UQCC2: variants seen among roughly 807,000 people sequenced by gnomAD.
UQCC2 encodes the protein breast cancer-associated protein SGA-81M.
In UQCC2, 21 loss-of-function variants were observed where a neutral mutation model predicts 19.9. The ratio of observed to expected loss-of-function variants is 1.05; its 90% confidence interval spans 0.75 to 1.52. UQCC2 has a LOEUF of 1.52. UQCC2 is among the 40% of genes most tolerant of loss of function. The pLI, the probability that UQCC2 is intolerant of heterozygous loss-of-function variation, is 0.00. For synonymous variants in UQCC2, 57 were observed against 60.9 expected, an observed-to-expected ratio of 0.94 and a Z score of 0.30; for missense variants, 135 against 157.5, an observed-to-expected ratio of 0.86 and a Z score of 0.76.
At chr6:33,697,908 C>G in intron 3 of UQCC2, 158 bp from the exon 4 acceptor site, 1 of 625,466 alleles carries the variant, frequency 1.6e-6, no homozygotes, top group Non-Finnish European at 2.8e-6. Flanking sequence ...GCAGATCAAA[C>G]AGGTAACAGA....
chr6:33,701,273 A>T, intron 2 of UQCC2, 73 bp downstream of exon 2: 1 of 1,477,972 alleles, frequency 6.8e-7, no homozygotes, highest in South Asian at 1.3e-5. Flanking sequence ...ACATTACCTA[A>T]TCAGATTTTC....
At chr6:33,697,787 A>T in intron 3 of UQCC2, 37 bp from the exon 4 acceptor site, 1 of 1,565,140 alleles carries the variant, frequency 6.4e-7, no homozygotes, top group Non-Finnish European at 8.8e-7. Flanking sequence ...GAGGGACTGA[A>T]GTCTAAAACT....
chr6:33,701,221 T>TA (rs1461521864), intron 2 of UQCC2, 125 bp downstream of exon 2: 1 of 1,011,752 alleles, frequency 9.9e-7, no homozygotes, highest in African/African-American at 1.6e-5. Flanking sequence ...TGGTTGAAAT[T>TA]ACTGGTTTCA....
intron 1 of UQCC2, among the ~76,000 whole-genome samples, chr6:33,706,684 G>A (rs182392685): frequency 6.6e-6 from 1 of 152,334 alleles, no homozygotes; most frequent in East Asian, 1.9e-4. Flanking sequence ...GATGAGGCAT[G>A]AAGAGGCACA....
intron 1 of UQCC2, among the ~76,000 whole-genome samples, chr6:33,703,004 T>C (rs1765658034): frequency 6.6e-6 from 1 of 152,152 alleles, no homozygotes; most frequent in African/African-American, 2.4e-5. Flanking sequence ...AGAGGAAGGA[T>C]TATGGCCTGA....
At chr6:33,702,726 GAAC>G (rs1408253851) in intron 1 of UQCC2, among the ~76,000 whole-genome samples, 1 of 152,186 alleles carries the variant, frequency 6.6e-6, no homozygotes, top group African/African-American at 2.4e-5. Flanking sequence ...AAGCTCCCCA[GAAC>G]AAAACTTTCT....
chr6:33,711,473 C>T, intron 1 of UQCC2, 76 bp downstream of exon 1: 1 of 1,507,924 alleles, frequency 6.6e-7, no homozygotes, highest in Non-Finnish European at 8.8e-7. Context: ...GCAGATCCCC[C>T]TGCTAGCGCG....
chr6:33,699,904 A>C (rs1765618750), intron 3 of UQCC2, among the ~76,000 whole-genome samples: 2 of 152,174 alleles, frequency 1.3e-5, no homozygotes, highest in South Asian at 4.1e-4. Context: ...CTTAGGGACA[A>C]TGGAGATAGG....
intron 3 of UQCC2, among the ~76,000 whole-genome samples, chr6:33,699,343 G>A (rs1765611670): frequency 6.6e-6 from 1 of 152,182 alleles, no homozygotes; most frequent in Non-Finnish European, 1.5e-5. Context: ...CTATCTCCCA[G>A]CCTTCGTTGC....
chr6:33,706,312 C>T (rs1032393557), intron 1 of UQCC2, among the ~76,000 whole-genome samples: 1 of 152,204 alleles, frequency 6.6e-6, no homozygotes, highest in Non-Finnish European at 1.5e-5. Flanking sequence ...GGAGCCTATT[C>T]CCTTCAATTG....
intron 1 of UQCC2, among the ~76,000 whole-genome samples, chr6:33,707,244 G>T (rs1765711153): frequency 6.6e-6 from 1 of 152,184 alleles, no homozygotes; most frequent in Non-Finnish European, 1.5e-5. Flanking sequence ...ACAACTCCAG[G>T]TTTTCGATGG....
At chr6:33,711,309 C>T (rs1765767266) in intron 1 of UQCC2, among the ~76,000 whole-genome samples, 1 of 152,230 alleles carries the variant, frequency 6.6e-6, no homozygotes, top group Admixed American at 6.5e-5. Flanking sequence ...CCGCCGCACC[C>T]GGCCCATCTG....
chr6:33,707,616 C>T (rs1252122293), intron 1 of UQCC2, among the ~76,000 whole-genome samples: 1 of 152,244 alleles, frequency 6.6e-6, no homozygotes. Context: ...CGAAGAGCAG[C>T]AGCTCTTCTA....
At position 33,707,658 on chromosome 6, in the gene UQCC2, A is replaced by G. The variant is rs139424473; in HGVS notation, c.138+3891T>C. On this transcript the variant is annotated intron_variant, in intron 1 of 3. Coordinates refer to ENST00000607484, the MANE Select transcript of UQCC2 (RefSeq NM_032340.4). ...CCCTCGGAGTTGCACCTTGTGCTACATAAGTGGGTGCTGGTGTGCAGTCCG... is the reference window on the plus strand; with the variant it reads ...CCCTCGGAGTTGCACCTTGTGCTACGTAAGTGGGTGCTGGTGTGCAGTCCG... 6.6e-3 allele frequency among the ~76,000 whole-genome samples: 999 copies of G among 152,348 alleles called. 6 individuals carry two copies. Among genetic ancestry groups the G allele is most frequent in the Non-Finnish European group, 9.5e-3 (644 of 68,032 alleles).
chr6:33,700,199 G>T (rs1169785804), intron 3 of UQCC2, among the ~76,000 whole-genome samples: 1 of 152,102 alleles, frequency 6.6e-6, no homozygotes, highest in African/African-American at 2.4e-5. Context: ...GTATTCCTCT[G>T]TTCCCTGATG....
intron 3 of UQCC2, chr6:33,698,244 G>A (rs1765593599): frequency 6.3e-6 from 1 of 159,642 alleles, no homozygotes; most frequent in Non-Finnish European, 1.4e-5. Context: ...CTGGTGTGTG[G>A]ACTCAGCACA....
At chr6:33,706,508 G>A (rs1427915153) in intron 1 of UQCC2, among the ~76,000 whole-genome samples, 1 of 152,200 alleles carries the variant, frequency 6.6e-6, no homozygotes, top group African/African-American at 2.4e-5. Flanking sequence ...AGCCAGATCT[G>A]CGGAGCACGG....
intron 1 of UQCC2, among the ~76,000 whole-genome samples, chr6:33,701,854 C>T (rs543786529): frequency 1.3e-5 from 2 of 151,480 alleles, no homozygotes; most frequent in African/African-American, 4.9e-5. Flanking sequence ...GGAAGTGAGA[C>T]AATGCTAGGT....
At chr6:33,701,456 G>A (rs1206951044) in intron 1 of UQCC2, 36 bp from the exon 2 acceptor site, 1 of 1,603,086 alleles carries the variant, frequency 6.2e-7, no homozygotes, top group East Asian at 2.2e-5. Flanking sequence ...GGTGAGCAAA[G>A]GAGTCCTGCC....
Sources: gnomAD v4.1 joint callset for allele counts (sites outside exome capture counted in the v4.1 genomes callset) on GRCh38, gnomAD v4.1.1 for gene constraint, MANE v1.5 for transcripts, NCBI Gene and HGNC (gene_info 2026-07-23, HGNC 2026-07-21) for gene names.